DHX37: variants seen among roughly 807,000 people sequenced by gnomAD.
DHX37 encodes the protein DEAH-box helicase 37, also known as probable ATP-dependent RNA helicase DHX37.
Under a neutral mutation model 134.3 loss-of-function variants are expected in DHX37, and 52 were observed. The observed-to-expected ratio is 0.39, with a 90% confidence interval of 0.31 to 0.49. The LOEUF (loss-of-function observed/expected upper bound fraction) is 0.49, where lower values mean the gene tolerates loss of function less well. DHX37 is among the 20% of genes least tolerant of loss of function. DHX37 has a pLI of 0.93. For missense variants in DHX37, 1,344 were observed against 1,580.8 expected (o/e 0.85, Z 2.54); for synonymous variants, 634 against 670.7 (o/e 0.95, Z 0.85).
intron 15 of DHX37, among the ~76,000 whole-genome samples, chr12:124,962,989 G>A (rs1020148735): frequency 5.3e-5 from 8 of 152,180 alleles, no homozygotes; most frequent in Non-Finnish European, 1.2e-4. Flanking sequence ...ACGGCCCAGC[G>A]GTTCTCTTAG....
chr12:124,980,593 G>A lies in DHX37; in HGVS notation c.635C>T (p.Ala212Val). The A allele has an allele frequency of 6.2e-7, 1 of 1,610,794 alleles. No homozygotes were observed. Among genetic ancestry groups the A allele is most frequent in the Non-Finnish European group, 8.5e-7 (1 of 1,179,748 alleles). The change falls in exon 4 of 27, where the codon GCT becomes GTT. Residue 212 changes from alanine (A) to valine (V), a missense_variant. Transcript: ENST00000308736. This position sits in a 1 kb window ranked among gnomAD's most constrained non-coding sequence, Gnocchi z 5.3. ...TGGAGGAGGAGGAACAGTCATCCCA[G>A]CCGGCACGGGCTGACTGCTGGGTGC... ...APAPSSQPVPAGMTVPPPPAA... is the reference protein window; with the variant it reads ...APAPSSQPVPVGMTVPPPPAA...
intron 18 of DHX37, among the ~76,000 whole-genome samples, chr12:124,954,464 G>A (rs2135931883): frequency 6.6e-6 from 1 of 152,112 alleles, no homozygotes; most frequent in African/African-American, 2.4e-5. Context: ...TGTGATCTCG[G>A]TTCACTGCAA....
chr12:124,979,456 C>A (rs940454073), intron 4 of DHX37, among the ~76,000 whole-genome samples: 1 of 152,192 alleles, frequency 6.6e-6, no homozygotes, highest in Non-Finnish European at 1.5e-5. Flanking sequence ...TCATCCTGCG[C>A]TATATTCACA....
At chr12:124,968,819 C>T (rs371089901) in intron 9 of DHX37, 48 bp downstream of exon 9, 10 of 1,609,464 alleles carry the variant, frequency 6.2e-6, no homozygotes, top group Non-Finnish European at 7.6e-6. Flanking sequence ...GACACCAGGG[C>T]GTCCTTGTGC....
chr12:124,979,653 C>T (rs1954715497), intron 4 of DHX37, among the ~76,000 whole-genome samples: 2 of 152,148 alleles, frequency 1.3e-5, no homozygotes, highest in South Asian at 2.1e-4. Context: ...GGACAGGATA[C>T]GAATAGGGAA....
At chr12:124,969,925 A>C (rs113485893) in intron 8 of DHX37, among the ~76,000 whole-genome samples, 38,616 of 151,702 alleles carry the variant, frequency 0.25, 5,191 homozygotes, top group Non-Finnish European at 0.3. Context: ...CCTCGAAAAA[A>C]AAAAACAAAA....
In DHX37 at chr12:124,956,769, C is replaced by G. The variant is rs747470305; in HGVS notation, c.2375G>C (p.Arg792Pro). 2 of 1,610,840 alleles carry G rather than the reference C, an allele frequency of 1.2e-6. No individual in the cohort carries two copies. The highest frequency in any genetic ancestry group is 3.3e-5 in the Admixed American group (2 of 59,946). ...GGCATAGGGCAGGCAGCCGTGTTGT[C>G]GGCTCAGTGCCAGCATCTTAGCGTA... ...PRYAKMLALS[R>P]QHGCLPYAIT... The change falls in exon 18 of 27, where the codon CGA (arginine) becomes CCA (proline). Residue 792 changes from arginine (R) to proline (P), a missense_variant. This residue lies in a region of DHX37 where 558 missense variants were observed against 650.0 expected (regional missense o/e 0.86). Transcript: ENST00000308736.
At chr12:124,978,379 G>A (rs1232852723) in intron 4 of DHX37, among the ~76,000 whole-genome samples, 1 of 151,058 alleles carries the variant, frequency 6.6e-6, no homozygotes, top group African/African-American at 2.4e-5. Flanking sequence ...GTGCAATAGT[G>A]TGATCTTGGC....
chr12:124,950,180 T>C lies in DHX37; in HGVS notation c.3185A>G (p.Lys1062Arg). The change falls in exon 24 of 27, where the codon AAG (lysine) becomes AGG (arginine). Residue 1062 changes from lysine (K) to arginine (R), a missense_variant. Around this residue, in one of 7 missense-constraint regions of DHX37, gnomAD observed 558 missense variants for 650.0 expected, o/e 0.86. Transcript: ENST00000308736. Reference protein sequence around the residue: ...VDFPEGIDRYKHFARFLLEGQ... With the variant: ...VDFPEGIDRYRHFARFLLEGQ... ...TTCCAGCAGGAACCGGGCAAAGTGC[T>C]TGTAGCGGTCAATCCCCTCTGGAAA... The C allele has an allele frequency of 6.2e-7, 1 of 1,614,036 alleles. No individual in the cohort carries two copies. Among genetic ancestry groups the C allele is most frequent in the Non-Finnish European group, 8.5e-7 (1 of 1,180,032 alleles).
chr12:124,985,804 AG>A (rs1230220089), intron 2 of DHX37, among the ~76,000 whole-genome samples: 2 of 151,444 alleles, frequency 1.3e-5, no homozygotes, highest in Admixed American at 1.3e-4. Context: ...AAAACAAAAA[AG>A]AAAAAAAAAT....
chr12:124,954,633 C>T (rs760930984), intron 18 of DHX37, among the ~76,000 whole-genome samples: 64 of 152,104 alleles, frequency 4.2e-4, no homozygotes, highest in Non-Finnish European at 7.9e-4. Flanking sequence ...CTCCTGACTT[C>T]GTGATCCGCC....
chr12:124,976,268 A>G (rs181187488), intron 5 of DHX37, among the ~76,000 whole-genome samples: 2 of 152,328 alleles, frequency 1.3e-5, no homozygotes, highest in African/African-American at 4.8e-5. Flanking sequence ...CCCTCTGCTG[A>G]TCGCGTCCTT....
chr12:124,956,913 G>A (rs12304873), intron 17 of DHX37, 34 bp from the exon 18 acceptor site: 1 of 1,559,920 alleles, frequency 6.4e-7, no homozygotes, highest in Non-Finnish European at 8.7e-7. Flanking sequence ...AGTGCTCTGA[G>A]AGGAGCTCTG....
At position 124,980,815 on chromosome 12, in the gene DHX37, G is replaced by A. The variant is rs770456410; in HGVS notation, c.413C>T (p.Pro138Leu). The A allele has an allele frequency of 3.0e-5, 47 of 1,555,796 alleles. No individual in the cohort carries two copies. The highest frequency in any genetic ancestry group is 3.7e-5 in the Non-Finnish European group (43 of 1,153,334). ...GAGGCTACTGATCTTCTCCTGGCCC[G>A]GGGCTACCACCTCGTCAGCCTTCCT... ...TKEKADEVVA[P>L]GQEKISSLSG... is the part of the protein sequence containing the mutation. The change falls in exon 4 of 27, where the codon CCG (proline) becomes CTG (leucine). Residue 138 changes from proline to leucine, a missense_variant. Pro to Leu is a moderately conservative substitution (Grantham distance 98, BLOSUM62 -3). This residue lies in a region of DHX37 where 319 missense variants were observed against 296.1 expected (regional missense o/e 1.08). Coordinates refer to ENST00000308736, the MANE Select transcript of DHX37 (RefSeq NM_032656.4). The surrounding 1 kb of genome is among the most constrained non-coding windows in gnomAD (Gnocchi z 5.3).
chr12:124,954,394 CTTTTT>C (rs1265720389), intron 18 of DHX37, among the ~76,000 whole-genome samples, 183 bp from the exon 19 acceptor site: 2 of 149,298 alleles, frequency 1.3e-5, no homozygotes, highest in Non-Finnish European at 3.0e-5. Flanking sequence ...CACTGTTGTT[CTTTTT>C]TTTTTCTTTT....
rs948630913 is a variant in DHX37, at chr12:124,968,775, C to A, written c.1293+92G>T. On this transcript the variant is annotated intron_variant, in intron 9 of 26. Coordinates refer to ENST00000308736, the MANE Select transcript of DHX37 (RefSeq NM_032656.4). ...CCCCTCCAAGCTGCTGTCAATCCCC[C>A]CTGTGACCAAGTGAGGTCTCTCAGG... The A allele has an allele frequency of 5.8e-5, 93 of 1,596,870 alleles. No individual in the cohort carries two copies. The East Asian group carries it at 1.7e-3, about 29-fold the overall frequency.
chr12:124,948,060 C>A, intron 26 of DHX37, 24 bp downstream of exon 26: 1 of 1,614,234 alleles, frequency 6.2e-7, no homozygotes, highest in Non-Finnish European at 8.5e-7. Context: ...TCTACTCCCA[C>A]CCCCTGGCCC....
At chr12:124,981,329 G>A (rs1594511107) in intron 3 of DHX37, among the ~76,000 whole-genome samples, 1 of 152,176 alleles carries the variant, frequency 6.6e-6, no homozygotes, top group African/African-American at 2.4e-5. Flanking sequence ...GAGCAGCACA[G>A]GCTGAGGAGA....
chr12:124,980,653 A>G lies in DHX37; in HGVS notation c.575T>C (p.Val192Ala). The change falls in exon 4 of 27, where the codon GTG becomes GCG. Residue 192 changes from valine to alanine, a missense_variant. Physicochemically the swap from Val to Ala is moderately conservative, Grantham distance 64. Transcript: ENST00000308736. This position sits in a 1 kb window ranked among gnomAD's most constrained non-coding sequence, Gnocchi z 5.3. ...DPAAEPAEAG[V>A]GTTVAPLPPA... Reference sequence around the variant, plus strand: ...CGGCAGAGGTGCCACGGTGGTCCCCACACCAGCCTCAGCCGGCTCAGCAGC... The same window carrying G: ...CGGCAGAGGTGCCACGGTGGTCCCCGCACCAGCCTCAGCCGGCTCAGCAGC... The G allele has an allele frequency of 1.9e-6, 3 of 1,603,904 alleles. No individual in the cohort carries two copies. The highest frequency in any genetic ancestry group is 1.7e-5 in the Admixed American group (1 of 59,466).
Sources: allele counts gnomAD v4.1 joint callset (sites outside exome capture counted in the v4.1 genomes callset), GRCh38; gene constraint gnomAD v4.1.1; regional missense constraint gnomAD v4.1.1; non-coding constraint Gnocchi (gnomAD v3.1); transcripts MANE v1.5; gene names NCBI Gene and HGNC (gene_info 2026-07-23, HGNC 2026-07-21).